ARHGAP28: variants seen among roughly 807,000 people sequenced by gnomAD.
The protein encoded by ARHGAP28 is rho GTPase-activating protein 28.
In ARHGAP28, 56 loss-of-function variants were observed where a neutral mutation model predicts 90.7. That is an observed-to-expected ratio of 0.62 (90% CI 0.50 to 0.77). The LOEUF is 0.77. Among genes scored for constraint, ARHGAP28 ranks in the 30% least tolerant of loss-of-function variants. The pLI is 0.00. For synonymous variants in ARHGAP28, 308 were observed against 323.3 expected (o/e 0.95, Z 0.51); for missense variants, 869 against 900.9 (o/e 0.96, Z 0.45).
chr18:6,748,835 T>C (rs2056046062), intron 1 of ARHGAP28, among the ~76,000 whole-genome samples: 1 of 152,178 alleles, frequency 6.6e-6, no homozygotes, highest in South Asian at 2.1e-4. Flanking sequence ...ATCCACAGTT[T>C]GTGGCCCATT....
chr18:6,789,353 C>T (rs2056389352), intron 1 of ARHGAP28: 1 of 152,326 alleles, frequency 6.6e-6, no homozygotes, highest in East Asian at 1.9e-4. Flanking sequence ...GGGCAAATCA[C>T]TTGAAGTCAG....
intron 1 of ARHGAP28, among the ~76,000 whole-genome samples, chr18:6,734,444 T>A (rs1375833669): frequency 6.6e-6 from 1 of 152,140 alleles, no homozygotes; most frequent in Non-Finnish European, 1.5e-5. Flanking sequence ...AGCCAACTCT[T>A]CCTCGAAAAC....
chr18:6,910,704 C>G (rs529902707), intron 17 of ARHGAP28, among the ~76,000 whole-genome samples: 4 of 152,056 alleles, frequency 2.6e-5, no homozygotes, highest in Non-Finnish European at 4.4e-5. Flanking sequence ...TGTTAGTTGC[C>G]TTGTGCTGCT....
At chr18:6,887,084 A>G (rs979572637) in intron 11 of ARHGAP28, 73 bp from the exon 12 acceptor site, 2 of 1,365,242 alleles carry the variant, frequency 1.5e-6, no homozygotes, top group Non-Finnish European at 2.1e-6. Context: ...GTGCCACCAG[A>G]TGCTAGCAAG....
chr18:6,846,538 T>G (rs2143188659), intron 3 of ARHGAP28, among the ~76,000 whole-genome samples: 1 of 152,282 alleles, frequency 6.6e-6, no homozygotes, highest in African/African-American at 2.4e-5. Context: ...CTCTATTTTT[T>G]TTTCTAATTC....
intron 1 of ARHGAP28, among the ~76,000 whole-genome samples, chr18:6,748,285 A>G (rs887381061): frequency 1.3e-5 from 2 of 152,206 alleles, no homozygotes. Flanking sequence ...CATCCAGGGT[A>G]TCTTTACATT....
At chr18:6,826,117 G>GTTTTTTTTTTTTTTTTT (rs35995654) in intron 2 of ARHGAP28, among the ~76,000 whole-genome samples, 2 of 138,502 alleles carry the variant, frequency 1.4e-5, no homozygotes, top group African/African-American at 2.7e-5. Context: ...CATTGCCAGT[G>GTTTTTTTTTTTTTTTTT]TTTTTTTTTT....
intron 16 of ARHGAP28, 183 bp downstream of exon 16, chr18:6,896,809 CA>C: frequency 3.2e-6 from 2 of 632,304 alleles, no homozygotes; most frequent in Non-Finnish European, 4.9e-6. Context: ...TTGCTAACAA[CA>C]AAAGTTGTTT....
At chr18:6,752,235 T>C (rs190753346) in intron 1 of ARHGAP28, among the ~76,000 whole-genome samples, 79 of 152,296 alleles carry the variant, frequency 5.2e-4, no homozygotes, top group African/African-American at 1.7e-3. Context: ...TTAATCCTCA[T>C]TGCTACTCTC....
intron 3 of ARHGAP28, among the ~76,000 whole-genome samples, chr18:6,839,343 G>C (rs569955472): frequency 1.0e-3 from 146 of 145,812 alleles, no homozygotes; most frequent in Non-Finnish European, 1.8e-3. Context: ...GCCCAGGCTG[G>C]AGTGCAGTGG....
intron 4 of ARHGAP28, among the ~76,000 whole-genome samples, chr18:6,858,262 C>T (rs776105203): frequency 2.6e-5 from 4 of 151,990 alleles, no homozygotes; most frequent in Non-Finnish European, 5.9e-5. Context: ...TATTTGTCTG[C>T]GGCCCTTTCT....
chr18:6,810,459 CT>C (rs981963803), intron 1 of ARHGAP28, among the ~76,000 whole-genome samples: 10 of 148,786 alleles, frequency 6.7e-5, no homozygotes, highest in East Asian at 5.9e-4. Flanking sequence ...GTTCAGTGGG[CT>C]TTTTTTTTTC....
At chr18:6,736,332 A>G (rs902681907) in intron 1 of ARHGAP28, among the ~76,000 whole-genome samples, 1 of 152,044 alleles carries the variant, frequency 6.6e-6, no homozygotes, top group African/African-American at 2.4e-5. Flanking sequence ...GACACAAAGT[A>G]TAAAAAATGT....
rs958084766 is a variant in ARHGAP28, at chr18:6,914,808, A to T, written c.*2654A>T. On this transcript the variant is annotated 3_prime_UTR_variant, in exon 18 of 18. Transcript: ENST00000383472. Reference sequence around the variant, plus strand: ...TTTAGGAATGCTTATTCAGAAAAAAATCCTAGAGTTGATTCATTGTTTTCC... The same window carrying T: ...TTTAGGAATGCTTATTCAGAAAAAATTCCTAGAGTTGATTCATTGTTTTCC... 1.3e-5 allele frequency: 2 copies of T among 152,514 alleles called. No individual in the cohort carries two copies. Among genetic ancestry groups the T allele is most frequent in the African/African-American group, 4.8e-5 (2 of 41,456 alleles). 9.4% of individuals were successfully genotyped at this position (152,514 alleles called of 1,614,324 possible).
At chr18:6,794,543 T>A (rs1025671742) in intron 1 of ARHGAP28, among the ~76,000 whole-genome samples, 33 of 152,230 alleles carry the variant, frequency 2.2e-4, no homozygotes, top group African/African-American at 7.5e-4. Context: ...CTTGTGATTT[T>A]AAAAATTCCC....
In ARHGAP28 at chr18:6,890,508, A is replaced by G; in HGVS notation, c.1813A>G (p.Arg605Gly). The change falls in exon 14 of 18, where the codon AGG (arginine) becomes GGG (glycine). Residue 605 changes from arginine (R) to glycine (G), a missense_variant. Physicochemically the swap from Arg to Gly is moderately radical, Grantham distance 125. Transcript: ENST00000383472. ...ATTGAAGAAGCAGCTCCCAAGTGTC[A>G]GGAAGCTGCTCAGGAGGAAGACCCT... ...MLLKKQLPSVRKLLRRKTLER... is the reference protein window; with the variant it reads ...MLLKKQLPSVGKLLRRKTLER... 1 of 1,613,326 alleles carries G rather than the reference A, an allele frequency of 6.2e-7. No individual in the cohort carries two copies. Among genetic ancestry groups the G allele is most frequent in the Non-Finnish European group, 8.5e-7 (1 of 1,179,704 alleles).
intron 1 of ARHGAP28, among the ~76,000 whole-genome samples, chr18:6,771,027 GTTTTGTTTTAT>G (rs2056238541): frequency 6.6e-6 from 1 of 151,748 alleles, no homozygotes; most frequent in Non-Finnish European, 1.5e-5. Flanking sequence ...ATCTTTTTTT[GTTTTGTTTTAT>G]TTTTATTTTT....
intron 5 of ARHGAP28, among the ~76,000 whole-genome samples, chr18:6,865,383 G>A (rs899865961): frequency 2.6e-5 from 4 of 152,174 alleles, no homozygotes; most frequent in Non-Finnish European, 5.9e-5. Context: ...TTGCATATTT[G>A]TCAGTGAATG....
intron 1 of ARHGAP28, among the ~76,000 whole-genome samples, chr18:6,749,961 T>A (rs893527661): frequency 2.0e-5 from 3 of 152,166 alleles, no homozygotes; most frequent in Non-Finnish European, 4.4e-5. Context: ...AAGGGGTATC[T>A]TCAAAATGGC....
Sources: gnomAD v4.1 joint callset for allele counts (sites outside exome capture counted in the v4.1 genomes callset) on GRCh38, gnomAD v4.1.1 for gene constraint, MANE v1.5 for transcripts, NCBI Gene and HGNC (gene_info 2026-07-23, HGNC 2026-07-21) for gene names.